Variants in MCF2L2 observed in about 807,000 individuals in gnomAD.
MCF2L2 encodes MCF.2 cell line derived transforming sequence-like 2.
Under a neutral mutation model 150.2 loss-of-function variants are expected in MCF2L2, and 102 were observed. The ratio of observed to expected loss-of-function variants is 0.68; its 90% confidence interval spans 0.58 to 0.80. The LOEUF is 0.80. Ranked by LOEUF, MCF2L2 falls within the 30% of genes least tolerant of loss-of-function variation. MCF2L2 has a pLI of 0.00. For synonymous variants in MCF2L2, 465 were observed against 491.3 expected (o/e 0.95, Z 0.71); for missense variants, 1,256 against 1,372.8 (o/e 0.91, Z 1.34).
intron 1 of MCF2L2, among the ~76,000 whole-genome samples, chr3:183,417,236 G>C (rs1466426421): frequency 6.6e-6 from 1 of 151,468 alleles, no homozygotes; most frequent in African/African-American, 2.4e-5. Flanking sequence ...AGCATCCAGA[G>C]ATTTTGGTAA....
In MCF2L2 at chr3:183,371,077, A is replaced by G. The variant is rs531033333; in HGVS notation, c.275+8220T>C. Reference sequence around the variant, plus strand: ...TCACAGTTCCACAGCCAGTCCAGCGAAAACCACACCTCACCCCAGCTACTC... The same window carrying G: ...TCACAGTTCCACAGCCAGTCCAGCGGAAACCACACCTCACCCCAGCTACTC... On this transcript the variant is annotated intron_variant, in intron 3 of 29. Coordinates refer to ENST00000328913, the MANE Select transcript of MCF2L2 (RefSeq NM_015078.4). Among the ~76,000 whole-genome samples the G allele has an allele frequency of 2.0e-5, 3 of 152,360 alleles. No individual in the cohort carries two copies. In the South Asian group the frequency reaches 6.2e-4, roughly 32 times the overall value.
At chr3:183,411,996 A>C (rs1383797753) in intron 1 of MCF2L2, among the ~76,000 whole-genome samples, 1 of 152,216 alleles carries the variant, frequency 6.6e-6, no homozygotes, top group Non-Finnish European at 1.5e-5. Context: ...TGTGAAATGC[A>C]CAGAAGGTTA....
At chr3:183,385,392 T>C (rs1713772199) in intron 2 of MCF2L2, among the ~76,000 whole-genome samples, 1 of 152,170 alleles carries the variant, frequency 6.6e-6, no homozygotes. Context: ...ACATTTTCCA[T>C]TGTTTCAGTT....
intron 3 of MCF2L2, chr3:183,377,038 TTTTTAC>T (rs1713227507): frequency 1.3e-5 from 2 of 152,202 alleles, no homozygotes; most frequent in Admixed American, 6.5e-5. Context: ...CATTTTTAAA[TTTTTAC>T]TTTAAGTTTT....
At chr3:183,392,561 G>T (rs570133734) in intron 1 of MCF2L2, among the ~76,000 whole-genome samples, 1 of 152,316 alleles carries the variant, frequency 6.6e-6, no homozygotes, top group African/African-American at 2.4e-5. Context: ...TGCAGGTTTT[G>T]CTGAGAGTGC....
At chr3:183,425,311 G>C (rs1716105621) in intron 1 of MCF2L2, among the ~76,000 whole-genome samples, 1 of 152,176 alleles carries the variant, frequency 6.6e-6, no homozygotes, top group African/African-American at 2.4e-5. Flanking sequence ...CCTGCTGGAG[G>C]AGAAAGTGAC....
chr3:183,186,340 A>G (rs150348312), intron 27 of MCF2L2, among the ~76,000 whole-genome samples: 1 of 152,226 alleles, frequency 6.6e-6, no homozygotes, highest in Non-Finnish European at 1.5e-5. Flanking sequence ...GGCAGCCTCA[A>G]CCTCCTGAGC....
chr3:183,343,276 A>G (rs964459375), intron 3 of MCF2L2, among the ~76,000 whole-genome samples: 6 of 152,170 alleles, frequency 3.9e-5, no homozygotes, highest in African/African-American at 1.4e-4. Context: ...AGCAAATACT[A>G]GAGCAGACTT....
At chr3:183,257,539 A>G (rs1725156067) in intron 15 of MCF2L2, among the ~76,000 whole-genome samples, 2 of 152,242 alleles carry the variant, frequency 1.3e-5, no homozygotes, top group Non-Finnish European at 2.9e-5. Flanking sequence ...CAGGCACTTA[A>G]TAAATGGTAG....
At chr3:183,323,514 A>G (rs1197897085) in intron 5 of MCF2L2, among the ~76,000 whole-genome samples, 163 bp from the exon 6 acceptor site, 1 of 152,082 alleles carries the variant, frequency 6.6e-6, no homozygotes, top group Non-Finnish European at 1.5e-5. Context: ...GGTTACAGCC[A>G]AGCACAGTCG....
chr3:183,266,008 A>C (rs1560383782), intron 15 of MCF2L2: 1 of 152,250 alleles, frequency 6.6e-6, no homozygotes, highest in Non-Finnish European at 1.5e-5. Context: ...ACAGCTGAAA[A>C]AATACAGGAA....
Position 183,270,289 on chromosome 3 carries a change from C to T in MCF2L2, c.1862+6583G>A. 6.2e-7 allele frequency: 1 copy of T among 1,614,150 alleles called. No individual in the cohort carries two copies. The highest frequency in any genetic ancestry group is 8.5e-7 in the Non-Finnish European group (1 of 1,180,014). ...ATAATTCAGCAAGACTTTGTTGATT[C>T]TTTCTACAATCTTACTCTGAAATTA... On this transcript the variant is annotated intron_variant, in intron 15 of 29. Transcript: ENST00000328913. The surrounding 1 kb of genome is among the most constrained non-coding windows in gnomAD (Gnocchi z 4.5).
chr3:183,339,152 C>A (rs1730606014), intron 4 of MCF2L2, among the ~76,000 whole-genome samples: 1 of 152,158 alleles, frequency 6.6e-6, no homozygotes, highest in South Asian at 2.1e-4. Context: ...AAAATGTTTT[C>A]TGATTATAAA....
intron 3 of MCF2L2, among the ~76,000 whole-genome samples, chr3:183,349,248 T>C (rs1246306483): frequency 6.6e-6 from 1 of 152,250 alleles, no homozygotes; most frequent in Non-Finnish European, 1.5e-5. Context: ...GGGTTTCTTA[T>C]TCTCTTTTCA....
chr3:183,269,556 G>A, intron 15 of MCF2L2: 1 of 429,730 alleles, frequency 2.3e-6, no homozygotes, highest in Non-Finnish European at 4.1e-6. Context: ...GCTTCCTGAA[G>A]GATGCCCGTG....
chr3:183,344,721 GAT>G (rs923793420), intron 3 of MCF2L2, among the ~76,000 whole-genome samples: 1 of 151,932 alleles, frequency 6.6e-6, no homozygotes, highest in African/African-American at 2.4e-5. Flanking sequence ...AAAATAAAGG[GAT>G]AGAGGAATAT....
Position 183,207,608 on chromosome 3 carries a change from C to T in MCF2L2, c.2712G>A (p.Lys904=), listed in dbSNP as rs1298896007. 6.2e-7 allele frequency: 1 copy of T among 1,611,398 alleles called. No individual in the cohort carries two copies. The highest frequency in any genetic ancestry group is 8.5e-7 in the Non-Finnish European group (1 of 1,177,618). The change falls in exon 23 of 30, where the codon AAG becomes AAA. Residue 904 remains lysine, a splice_region_variant and synonymous_variant. Coordinates refer to ENST00000328913, the MANE Select transcript of MCF2L2 (RefSeq NM_015078.4). ...SPHYSFKKTM[K]LMTLSIRQLG... is the part of the protein sequence containing the mutation. ...CCAGATGCAATAGGACTCCCTTTAC[C>T]TTCATGGTCTTCTTGAAGCTGTAAT...
At chr3:183,322,133 G>A (rs1264584888) in intron 6 of MCF2L2, among the ~76,000 whole-genome samples, 2 of 152,212 alleles carry the variant, frequency 1.3e-5, no homozygotes, top group Non-Finnish European at 2.9e-5. Context: ...TGTGAATTTT[G>A]AGGGGACGCC....
intron 22 of MCF2L2, among the ~76,000 whole-genome samples, chr3:183,208,634 C>A (rs1292126789): frequency 1.3e-5 from 2 of 152,104 alleles, no homozygotes; most frequent in African/African-American, 4.8e-5. Flanking sequence ...TTCAAAACTT[C>A]GATTGCTTAA....
Sources: gnomAD v4.1 joint callset for allele counts (sites outside exome capture counted in the v4.1 genomes callset) on GRCh38, gnomAD v4.1.1 for gene constraint, Gnocchi (gnomAD v3.1) non-coding constraint, MANE v1.5 for transcripts, NCBI Gene and HGNC (gene_info 2026-07-23, HGNC 2026-07-21) for gene names.